The following ATXN3 variants were observed in gnomAD, a reference collection of about 807,000 sequenced individuals.
ATXN3 encodes the protein ataxin 3.
In ATXN3, 28 loss-of-function variants were observed where a neutral mutation model predicts 58.2. The observed-to-expected ratio is 0.48, with a 90% CI of 0.36 to 0.66. ATXN3 has a LOEUF of 0.66. Ranked by LOEUF, ATXN3 falls within the 30% of genes least tolerant of loss-of-function variation. The pLI, the probability that ATXN3 is intolerant of heterozygous loss-of-function variation, is 0.00. For missense variants in ATXN3, 321 were observed against 422.1 expected, an observed-to-expected ratio of 0.76 and a Z score of 2.10; for synonymous variants, 113 against 138.5, an observed-to-expected ratio of 0.82 and a Z score of 1.29.
At chr14:92,086,527 T>C (rs903995547) in intron 6 of ATXN3, among the ~76,000 whole-genome samples, 13 of 132,222 alleles carry the variant, frequency 9.8e-5, no homozygotes, top group African/African-American at 3.9e-4. Context: ...ATCACGCCAT[T>C]GCACTCCAGC....
At chr14:92,105,149 C>T (rs962626946) in intron 1 of ATXN3, among the ~76,000 whole-genome samples, 1 of 152,034 alleles carries the variant, frequency 6.6e-6, no homozygotes, top group African/African-American at 2.4e-5. Flanking sequence ...GTTCCAGGCA[C>T]AGTGGCTCAC....
chr14:92,071,189 G>T (rs1367970268), intron 9 of ATXN3, 136 bp from the exon 10 acceptor site: 1 of 1,300,604 alleles, frequency 7.7e-7, no homozygotes, highest in Non-Finnish European at 1.1e-6. Context: ...GAATGCAAGA[G>T]CAGTTAGTCT....
intron 5 of ATXN3, among the ~76,000 whole-genome samples, chr14:92,091,285 T>C (rs902092464): frequency 7.9e-5 from 12 of 152,072 alleles, no homozygotes; most frequent in Admixed American, 3.9e-4. Flanking sequence ...ACCCCGTCTC[T>C]ACTAAAAATA....
chr14:92,096,623 CAAAAAA>C (rs376966269), intron 2 of ATXN3, 45 bp downstream of exon 2: 65 of 1,248,660 alleles, frequency 5.2e-5, no homozygotes, highest in South Asian at 1.1e-4. Context: ...GACTCCGTCT[CAAAAAA>C]AAAAAAAAAA....
intron 9 of ATXN3, chr14:92,071,688 T>TC: frequency 5.2e-6 from 1 of 193,280 alleles, no homozygotes; most frequent in South Asian, 8.9e-5. Flanking sequence ...ACCCTTAATA[T>TC]TGTTGAAAGT....
Position 92,097,588 on chromosome 14 carries a change from T to C in ATXN3, c.25-750A>G, listed in dbSNP as rs143617494. On this transcript the variant is annotated intron_variant, in intron 1 of 10. Transcript: ENST00000644486. Reference sequence around the variant, plus strand: ...TCACCCAGCCTGGAGTGCAGTGGCATGATCTCGGCTCACTGTAAGCTCTGC... The same window carrying C: ...TCACCCAGCCTGGAGTGCAGTGGCACGATCTCGGCTCACTGTAAGCTCTGC... 6.0e-3 allele frequency among the ~76,000 whole-genome samples: 902 copies of C among 151,176 alleles called. 4 individuals carry two copies. Among genetic ancestry groups the C allele is most frequent in the Non-Finnish European group, 0.01 (703 of 67,778 alleles).
chr14:92,097,419 G>C (rs1470130700), intron 1 of ATXN3, among the ~76,000 whole-genome samples: 2 of 149,986 alleles, frequency 1.3e-5, no homozygotes, highest in Non-Finnish European at 3.0e-5. Context: ...GTATATACAG[G>C]GTTTCACTCT....
chr14:92,083,042 A>G (rs748209666), intron 7 of ATXN3, 84 bp downstream of exon 7: 24 of 1,477,154 alleles, frequency 1.6e-5, no homozygotes, highest in Admixed American at 4.6e-5. Flanking sequence ...CAACACAAGG[A>G]CCACATATTC....
intron 1 of ATXN3, among the ~76,000 whole-genome samples, chr14:92,103,806 G>A (rs187901616): frequency 6.6e-6 from 1 of 152,306 alleles, no homozygotes; most frequent in Admixed American, 6.5e-5. Flanking sequence ...AAGGCCCTTC[G>A]TAGGCAGATA....
chr14:92,082,498 A>G, intron 7 of ATXN3, 32 bp from the exon 8 acceptor site: 1 of 1,571,224 alleles, frequency 6.4e-7, no homozygotes, highest in Non-Finnish European at 8.7e-7. Flanking sequence ...AATAACTGCA[A>G]CCAATCTTCT....
chr14:92,081,565 T>C (rs370743817), intron 8 of ATXN3, among the ~76,000 whole-genome samples: 4 of 149,200 alleles, frequency 2.7e-5, no homozygotes, highest in African/African-American at 9.9e-5. Context: ...TAATCAAAAA[T>C]GGGATTGCAC....
rs2057716133 is a variant in ATXN3 at position 92,060,688 on chromosome 14, C to A, written c.*3632G>T. On this transcript the variant is annotated 3_prime_UTR_variant, in exon 11 of 11. Transcript: ENST00000644486. ...GAATCTATTTTTTATCTGTACAGGT[C>A]CAATGGGCCGGTTTTAAGAATTTAG... 6.6e-6 allele frequency: 1 copy of A among 151,652 alleles called. No homozygotes were observed. The highest frequency in any genetic ancestry group is 2.4e-5 in the African/African-American group (1 of 41,276). 9.4% of individuals were successfully genotyped at this position (151,652 alleles called of 1,614,324 possible).
chr14:92,079,200 A>G (rs942637455), intron 9 of ATXN3, among the ~76,000 whole-genome samples: 3 of 151,706 alleles, frequency 2.0e-5, no homozygotes, highest in African/African-American at 4.8e-5. Context: ...AAAAAAAAAA[A>G]AAAAAGCAAG....
chr14:92,094,545 G>A (rs1021426880), intron 3 of ATXN3, among the ~76,000 whole-genome samples: 53 of 152,140 alleles, frequency 3.5e-4, no homozygotes, highest in African/African-American at 1.1e-3. Context: ...TTCTCCCTGG[G>A]CATTTAAACT....
intron 5 of ATXN3, among the ~76,000 whole-genome samples, chr14:92,091,189 G>A (rs1185469907): frequency 6.6e-6 from 1 of 151,964 alleles, no homozygotes; most frequent in Admixed American, 6.6e-5. Context: ...GGTGGCTCAC[G>A]CCTGTAACCC....
intron 10 of ATXN3, among the ~76,000 whole-genome samples, chr14:92,065,490 T>A (rs1465645414): frequency 6.6e-6 from 1 of 152,164 alleles, no homozygotes; most frequent in African/African-American, 2.4e-5. Context: ...TACTAGCACT[T>A]AGGGAGGCCG....
chr14:92,093,185 C>T, intron 5 of ATXN3, 67 bp downstream of exon 5: 1 of 1,093,010 alleles, frequency 9.1e-7, no homozygotes, highest in Non-Finnish European at 1.3e-6. Flanking sequence ...CCACACCTGG[C>T]CCACATTTTA....
chr14:92,065,983 T>C (rs1761936116), intron 10 of ATXN3, among the ~76,000 whole-genome samples: 2 of 152,148 alleles, frequency 1.3e-5, no homozygotes, highest in South Asian at 4.2e-4. Context: ...TTTTCTTTTT[T>C]GACTGTGCAG....
chr14:92,053,814 A>G (rs2057456367), downstream of ATXN3, among the ~76,000 whole-genome samples: 1 of 151,696 alleles, frequency 6.6e-6, no homozygotes, highest in Non-Finnish European at 1.5e-5. Flanking sequence ...TCTCTTTCTG[A>G]TTGCTGGGCT....
Sources: allele counts gnomAD v4.1 joint callset (sites outside exome capture counted in the v4.1 genomes callset), GRCh38; gene constraint gnomAD v4.1.1; transcripts MANE v1.5; gene names NCBI Gene and HGNC (gene_info 2026-07-23, HGNC 2026-07-21).